PTPRG: variants seen among roughly 807,000 people sequenced by gnomAD.
PTPRG encodes the protein protein tyrosine phosphatase receptor type G.
PTPRG carries 102 observed loss-of-function variants against 165.3 expected under a neutral mutation model. The observed-to-expected ratio is 0.62, with a 90% CI of 0.53 to 0.73. The LOEUF (loss-of-function observed/expected upper bound fraction) is 0.73, where lower values mean the gene tolerates loss of function less well. PTPRG is among the 30% of genes least tolerant of loss of function. The pLI, the probability that PTPRG is intolerant of heterozygous loss-of-function variation, is 0.00. For missense variants in PTPRG, 1,866 were observed against 1,861.4 expected (o/e 1.00, Z -0.05); for synonymous variants, 675 against 669.5 (o/e 1.01, Z -0.13).
intron 6 of PTPRG, among the ~76,000 whole-genome samples, chr3:62,138,833 T>C (rs545941347): frequency 6.6e-6 from 1 of 152,274 alleles, no homozygotes; most frequent in African/African-American, 2.4e-5. Flanking sequence ...AAGAGGTGTG[T>C]GTTTTTTCTT....
chr3:61,739,259 T>C (rs2032891411), intron 1 of PTPRG: 1 of 152,138 alleles, frequency 6.6e-6, no homozygotes, highest in African/African-American at 2.4e-5. Context: ...AACCAAAGTT[T>C]GTGTAGTTGT....
intron 1 of PTPRG, among the ~76,000 whole-genome samples, chr3:61,715,653 A>ACTGC (rs921181470): frequency 6.6e-6 from 1 of 152,118 alleles, no homozygotes; most frequent in African/African-American, 2.4e-5. Context: ...AGCTGGGTTG[A>ACTGC]CTGCCTAACT....
In PTPRG at chr3:62,003,440, C is replaced by T. The variant is rs2041222357; in HGVS notation, c.462C>T (p.His154=). ...AGAAGGTGGAATTTCACTGGGGCCACAGCAATGGCTCAGCGGGCTCTGAAC... is the reference window on the plus strand; with the variant it reads ...AGAAGGTGGAATTTCACTGGGGCCATAGCAATGGCTCAGCGGGCTCTGAAC... The part of the protein sequence containing the change: ...KAEKVEFHWG[H]SNGSAGSEHS... The change falls in exon 4 of 30, where the codon CAC becomes CAT. Residue 154 remains histidine (H), a synonymous_variant. Transcript: ENST00000474889. 3 of 1,614,078 alleles carry T rather than the reference C, an allele frequency of 1.9e-6. No homozygotes were observed. The highest frequency in any genetic ancestry group is 1.1e-5 in the South Asian group (1 of 91,072).
chr3:61,658,324 A>G (rs1702565826), intron 1 of PTPRG, among the ~76,000 whole-genome samples: 1 of 152,154 alleles, frequency 6.6e-6, no homozygotes, highest in Non-Finnish European at 1.5e-5. Flanking sequence ...GTCCTAGGAC[A>G]GTGGCTAGGT....
chr3:61,651,302 T>C (rs1236549377), intron 1 of PTPRG, among the ~76,000 whole-genome samples: 1 of 152,152 alleles, frequency 6.6e-6, no homozygotes, highest in African/African-American at 2.4e-5. Context: ...GGTAATCTTA[T>C]CCCTTTGGAT....
At chr3:61,839,067 A>G (rs1259301196) in intron 2 of PTPRG, among the ~76,000 whole-genome samples, 3 of 152,214 alleles carry the variant, frequency 2.0e-5, no homozygotes, top group Non-Finnish European at 4.4e-5. Flanking sequence ...TACCAGAAAA[A>G]TTTTAATATT....
At chr3:62,192,702 C>T (rs1170526338) in intron 9 of PTPRG, among the ~76,000 whole-genome samples, 6 of 152,092 alleles carry the variant, frequency 3.9e-5, no homozygotes, top group Non-Finnish European at 7.4e-5. Flanking sequence ...TGAGCCACTG[C>T]GCCCAGCCTA....
chr3:62,086,970 T>C (rs1247774672), intron 5 of PTPRG, among the ~76,000 whole-genome samples: 2 of 152,264 alleles, frequency 1.3e-5, no homozygotes, highest in East Asian at 1.9e-4. Context: ...TAAGAGACTT[T>C]GAATTCTTTG....
chr3:61,630,655 C>G (rs1019141758), intron 1 of PTPRG, among the ~76,000 whole-genome samples: 15 of 152,134 alleles, frequency 9.9e-5, no homozygotes, highest in African/African-American at 3.6e-4. Context: ...TAGCATGGTT[C>G]AAAGTATTTA....
chr3:62,018,754 G>A (rs983230980), intron 4 of PTPRG, among the ~76,000 whole-genome samples: 1 of 152,120 alleles, frequency 6.6e-6, no homozygotes, highest in Non-Finnish European at 1.5e-5. Flanking sequence ...ACAAAATGTG[G>A]GCAGGTCTAC....
intron 8 of PTPRG, among the ~76,000 whole-genome samples, chr3:62,176,006 C>A (rs1705408653): frequency 1.3e-5 from 2 of 152,198 alleles, no homozygotes. Context: ...GAGTTAAGAT[C>A]TTCTAGCAGT....
intron 1 of PTPRG, among the ~76,000 whole-genome samples, chr3:61,725,080 C>CT (rs2032201984): frequency 6.6e-6 from 1 of 152,068 alleles, no homozygotes; most frequent in Non-Finnish European, 1.5e-5. Context: ...TTCTCTTCTC[C>CT]TTTTTTACCA....
chr3:61,696,661 G>A (rs915537885), intron 1 of PTPRG, among the ~76,000 whole-genome samples: 1 of 152,222 alleles, frequency 6.6e-6, no homozygotes, highest in Non-Finnish European at 1.5e-5. Context: ...TAGGTGCATG[G>A]AGGAGCAGGT....
chr3:61,879,371 G>A (rs2037826098), intron 2 of PTPRG, among the ~76,000 whole-genome samples: 1 of 152,058 alleles, frequency 6.6e-6, no homozygotes, highest in Admixed American at 6.6e-5. Context: ...CCCATTTATC[G>A]AGGTCTTCTT....
chr3:61,597,251 C>G (rs1474395491), intron 1 of PTPRG, among the ~76,000 whole-genome samples: 1 of 152,270 alleles, frequency 6.6e-6, no homozygotes, highest in South Asian at 2.1e-4. Flanking sequence ...AGCACATGAC[C>G]TTTGGGCGAC....
intron 4 of PTPRG, among the ~76,000 whole-genome samples, chr3:62,054,231 A>G (rs1225221595): frequency 6.6e-6 from 1 of 152,212 alleles, no homozygotes; most frequent in Non-Finnish European, 1.5e-5. Context: ...TATAGCTCCA[A>G]TAGGAGGACA....
Position 62,240,326 on chromosome 3 carries a change from C to T in PTPRG, c.2376-3481C>T, listed in dbSNP as rs535994610. On this transcript the variant is annotated intron_variant, in intron 14 of 29. Coordinates refer to ENST00000474889, the MANE Select transcript of PTPRG (RefSeq NM_002841.4). This position sits in a 1 kb window ranked among gnomAD's most constrained non-coding sequence, Gnocchi z 5.1. ...CTCCAGCCTGGATGACAGAGCGAGA[C>T]TCCATCTCAAAATAAAATAAAATAC... 3.9e-5 allele frequency among the ~76,000 whole-genome samples: 6 copies of T among 152,134 alleles called. No individual in the cohort carries two copies. The South Asian group carries it at 1.2e-3, about 32-fold the overall frequency.
chr3:61,728,475 C>T (rs561657607), intron 1 of PTPRG, among the ~76,000 whole-genome samples: 1 of 151,920 alleles, frequency 6.6e-6, no homozygotes, highest in African/African-American at 2.4e-5. Flanking sequence ...CCCAGCTACT[C>T]GGGAGGTTGA....
At chr3:61,985,175 C>G (rs2040728149) in intron 2 of PTPRG, among the ~76,000 whole-genome samples, 1 of 152,228 alleles carries the variant, frequency 6.6e-6, no homozygotes. Context: ...TGACTGTTGG[C>G]TTCTGCCCAA....
Sources: gnomAD v4.1 joint callset for allele counts (sites outside exome capture counted in the v4.1 genomes callset) on GRCh38, gnomAD v4.1.1 for gene constraint, Gnocchi (gnomAD v3.1) non-coding constraint, MANE v1.5 for transcripts, NCBI Gene and HGNC (gene_info 2026-07-23, HGNC 2026-07-21) for gene names.